Variants in CLSTN2 observed in about 807,000 individuals in gnomAD.
CLSTN2 encodes the protein calsyntenin 2, also known as calsyntenin-2.
In CLSTN2, 48 loss-of-function variants were observed where a neutral mutation model predicts 101.2. The observed-to-expected ratio is 0.47, with a 90% confidence interval of 0.38 to 0.60. The LOEUF is 0.60. Among genes scored for constraint, CLSTN2 ranks in the 20% least tolerant of loss-of-function variants. The pLI, the probability that CLSTN2 is intolerant of heterozygous loss-of-function variation, is 0.00. For missense variants in CLSTN2, 1,160 were observed against 1,238.2 expected (o/e 0.94, Z 0.95); for synonymous variants, 481 against 463.6 (o/e 1.04, Z -0.48).
intron 1 of CLSTN2, among the ~76,000 whole-genome samples, chr3:140,002,665 G>A (rs958133173): frequency 3.9e-5 from 6 of 152,110 alleles, no homozygotes; most frequent in Non-Finnish European, 2.9e-5. Context: ...TTTCCCCAAC[G>A]TTTTCTTGTA....
At chr3:139,944,447 G>T (rs1935185219) in intron 1 of CLSTN2, among the ~76,000 whole-genome samples, 1 of 152,210 alleles carries the variant, frequency 6.6e-6, no homozygotes, top group Non-Finnish European at 1.5e-5. Context: ...CCAAGACTGA[G>T]AACCACTCCA....
intron 1 of CLSTN2, among the ~76,000 whole-genome samples, chr3:140,113,472 G>T (rs993197326): frequency 6.6e-6 from 1 of 152,170 alleles, no homozygotes; most frequent in African/African-American, 2.4e-5. Context: ...TGTCTGAGCC[G>T]TCTCAGGCCT....
chr3:140,203,286 G>A (rs1168316155), intron 2 of CLSTN2, among the ~76,000 whole-genome samples: 1 of 152,022 alleles, frequency 6.6e-6, no homozygotes, highest in Non-Finnish European at 1.5e-5. Flanking sequence ...GAAAAGTATA[G>A]TTTAGGGGAA....
rs142876953 is a variant in CLSTN2 at position 140,176,234 on chromosome 3, G to A, written c.232+161G>A. 2.6e-5 allele frequency among the ~76,000 whole-genome samples: 4 copies of A among 152,218 alleles called. No homozygotes were observed. In the East Asian group the frequency reaches 7.7e-4, roughly 29 times the overall value. On this transcript the variant is annotated intron_variant, in intron 2 of 16. Transcript: ENST00000458420. ...GCTGTATGCCTCTTATTTCTGGGAT[G>A]GATTCTGGCTGTCCTTATGTTTTTG...
At chr3:140,035,003 G>A (rs1055800274) in intron 1 of CLSTN2, among the ~76,000 whole-genome samples, 2 of 152,166 alleles carry the variant, frequency 1.3e-5, no homozygotes, top group African/African-American at 2.4e-5. Context: ...CATTCTTGAT[G>A]GCTCTCTTAT....
intron 1 of CLSTN2, among the ~76,000 whole-genome samples, chr3:139,940,755 G>A (rs1232493711): frequency 6.6e-6 from 1 of 152,044 alleles, no homozygotes; most frequent in African/African-American, 2.4e-5. Context: ...TTTTTCACTA[G>A]TCTATGGATG....
chr3:140,044,483 A>T (rs1041370250), intron 1 of CLSTN2, among the ~76,000 whole-genome samples: 4 of 152,192 alleles, frequency 2.6e-5, no homozygotes, highest in African/African-American at 7.2e-5. Flanking sequence ...AAACAGGGAC[A>T]ATTTGACTTC....
rs575726065 is a variant in CLSTN2, at chr3:140,497,461, C to A, written c.1344+30730C>A. On this transcript the variant is annotated intron_variant, in intron 8 of 16. Coordinates refer to ENST00000458420, the MANE Select transcript of CLSTN2 (RefSeq NM_022131.3). Reference sequence around the variant, plus strand: ...TTGCTTCTTGACCGAACCACCTGGACTCCCCGAAGCCAGCAGGCTAGAATG... The same window carrying A: ...TTGCTTCTTGACCGAACCACCTGGAATCCCCGAAGCCAGCAGGCTAGAATG... Among the ~76,000 whole-genome samples the A allele has an allele frequency of 2.2e-4, 34 of 152,284 alleles. 1 individual carries two copies. The highest frequency in any genetic ancestry group is 2.1e-3 in the Admixed American group (32 of 15,306).
At chr3:140,022,743 A>G (rs2107756334) in intron 1 of CLSTN2, among the ~76,000 whole-genome samples, 1 of 152,286 alleles carries the variant, frequency 6.6e-6, no homozygotes, top group Middle Eastern at 3.4e-3. Flanking sequence ...CCCTTGCACA[A>G]GGAGACAGGT....
chr3:140,531,035 G>A (rs1935246056), intron 8 of CLSTN2, among the ~76,000 whole-genome samples: 1 of 152,174 alleles, frequency 6.6e-6, no homozygotes, highest in Non-Finnish European at 1.5e-5. Context: ...GTTCAGGTCT[G>A]CCTGTGTGCC....
intron 1 of CLSTN2, among the ~76,000 whole-genome samples, chr3:140,163,443 C>T (rs1167137364): frequency 6.6e-6 from 1 of 151,930 alleles, no homozygotes; most frequent in Non-Finnish European, 1.5e-5. Flanking sequence ...CACACACACA[C>T]ACACACAGAT....
At chr3:140,509,610 G>C (rs549242290) in intron 8 of CLSTN2, among the ~76,000 whole-genome samples, 18 of 152,058 alleles carry the variant, frequency 1.2e-4, no homozygotes, top group Non-Finnish European at 1.3e-4. Context: ...AAGGAAGTCT[G>C]AAAGGGTCTG....
intron 1 of CLSTN2, among the ~76,000 whole-genome samples, chr3:140,061,676 GA>G (rs1418073277): frequency 6.6e-6 from 1 of 152,190 alleles, no homozygotes; most frequent in Non-Finnish European, 1.5e-5. Flanking sequence ...GCCTCTCTGA[GA>G]AATTCCACCT....
At chr3:140,365,301 T>A (rs534244060) in intron 2 of CLSTN2, among the ~76,000 whole-genome samples, 1 of 152,134 alleles carries the variant, frequency 6.6e-6, no homozygotes, top group East Asian at 1.9e-4. Context: ...GAGGTGGAGA[T>A]GCTTGAGTTG....
intron 1 of CLSTN2, among the ~76,000 whole-genome samples, chr3:140,089,767 T>C (rs1030406267): frequency 4.6e-5 from 7 of 151,552 alleles, no homozygotes; most frequent in Non-Finnish European, 7.4e-5. Flanking sequence ...TGCACCACCA[T>C]ACCTGGCCTA....
At chr3:140,076,054 C>T (rs2008482130) in intron 1 of CLSTN2, among the ~76,000 whole-genome samples, 2 of 152,186 alleles carry the variant, frequency 1.3e-5, no homozygotes, top group Admixed American at 6.5e-5. Flanking sequence ...ACACCTCTTA[C>T]AGCCTCTTCC....
chr3:140,307,934 T>G (rs2107914636), intron 2 of CLSTN2, among the ~76,000 whole-genome samples: 1 of 152,350 alleles, frequency 6.6e-6, no homozygotes, highest in African/African-American at 2.4e-5. Flanking sequence ...CTCAGAAATC[T>G]GTCAGAGTAT....
intron 11 of CLSTN2, 59 bp from the exon 12 acceptor site, chr3:140,558,581 G>A: frequency 6.9e-7 from 1 of 1,445,548 alleles, no homozygotes; most frequent in Non-Finnish European, 9.7e-7. Flanking sequence ...GTTCCTGGCT[G>A]TATGACAGAT....
chr3:140,406,226 C>T (rs930269223), intron 4 of CLSTN2, among the ~76,000 whole-genome samples: 4 of 152,226 alleles, frequency 2.6e-5, no homozygotes, highest in African/African-American at 7.2e-5. Context: ...TAGAAACTTA[C>T]TCTATGGCAT....
Sources: allele counts gnomAD v4.1 joint callset (sites outside exome capture counted in the v4.1 genomes callset), GRCh38; gene constraint gnomAD v4.1.1; transcripts MANE v1.5; gene names NCBI Gene and HGNC (gene_info 2026-07-23, HGNC 2026-07-21).